The following SND1 variants were observed in gnomAD, a reference collection of about 807,000 sequenced individuals.
SND1 encodes the protein staphylococcal nuclease and tudor domain containing 1, also known as staphylococcal nuclease domain-containing protein 1.
In SND1, 38 loss-of-function variants were observed where a neutral mutation model predicts 121.7. That is an observed-to-expected ratio of 0.31 (90% CI 0.24 to 0.41). SND1 has a LOEUF of 0.41. Among genes scored for constraint, SND1 ranks in the 10% least tolerant of loss-of-function variants. The pLI is 1.00. For missense variants in SND1, 868 were observed against 1,184.6 expected (o/e 0.73, Z 3.92); for synonymous variants, 401 against 447.4 (o/e 0.90, Z 1.31).
Position 127,990,942 on chromosome 7 carries a change from C to G in SND1, c.1670-5C>G. On this transcript the variant is annotated splice_polypyrimidine_tract_variant and splice_region_variant and intron_variant, in intron 15 of 23. Coordinates refer to ENST00000354725, the MANE Select transcript of SND1 (RefSeq NM_014390.4). ...ATCACAGATTCTACTTTTCTCCTGA[C>G]ACAGGCATTGAATGCCCCAGAGGAG... The G allele has an allele frequency of 6.2e-7, 1 of 1,609,032 alleles. No homozygotes were observed. The highest frequency in any genetic ancestry group is 8.5e-7 in the Non-Finnish European group (1 of 1,176,204).
chr7:127,803,825 A>T (rs377240861), intron 10 of SND1, among the ~76,000 whole-genome samples: 3 of 152,134 alleles, frequency 2.0e-5, no homozygotes, highest in East Asian at 3.9e-4. Flanking sequence ...TGAGATGTGG[A>T]TATTGGGCCT....
chr7:127,904,873 T>G (rs1800305116), intron 14 of SND1, 54 bp downstream of exon 14: 2 of 1,110,766 alleles, frequency 1.8e-6, no homozygotes, highest in Admixed American at 3.4e-5. Context: ...AGAGCGTGTC[T>G]GCATATTTGC....
At chr7:127,867,059 A>G (rs1799491581) in intron 12 of SND1, among the ~76,000 whole-genome samples, 1 of 151,956 alleles carries the variant, frequency 6.6e-6, no homozygotes, top group African/African-American at 2.4e-5. Context: ...CTTCTATCCT[A>G]TTATATCTGC....
chr7:127,705,851 C>T (rs1796183142), intron 8 of SND1, among the ~76,000 whole-genome samples: 1 of 152,186 alleles, frequency 6.6e-6, no homozygotes, highest in African/African-American at 2.4e-5. Context: ...TTGATAACTA[C>T]ATTTTTGTGA....
In SND1 at chr7:127,652,267, G is replaced by A; in HGVS notation, c.-107G>A. 1.1e-6 allele frequency: 1 copy of A among 938,396 alleles called. No homozygotes were observed. Among genetic ancestry groups the A allele is most frequent in the Non-Finnish European group, 1.7e-6 (1 of 588,458 alleles). The allele number at this position is 938,396 out of a possible 1,614,324, so 58.1% of individuals were successfully genotyped here. ...CCGTCCCGTCCACCGTCCGCAGCTG[G>A]TAGCCAGCCTGCCCCTCGCCTCGAC... On this transcript the variant is annotated 5_prime_UTR_variant, in exon 1 of 24. Transcript: ENST00000354725.
At chr7:127,827,472 G>A (rs1252954396) in intron 11 of SND1, among the ~76,000 whole-genome samples, 1 of 152,016 alleles carries the variant, frequency 6.6e-6, no homozygotes, top group Non-Finnish European at 1.5e-5. Flanking sequence ...TAATTTGGGG[G>A]CAAATTGTTT....
At chr7:127,718,538 C>G in intron 9 of SND1, 4 of 984,048 alleles carry the variant, frequency 4.1e-6, no homozygotes, top group Non-Finnish European at 4.8e-6. Context: ...CAAGCTAAAC[C>G]TTGCTTAGCT....
rs1449958148 is a variant in SND1, at chr7:127,879,789, C to T, written c.1344-8113C>T. ...TGGAGTTTTTGAGGGTCATGGGTGA[C>T]AGAGGCCTAGGATACATGCCTGATG... is the stretch of plus-strand genomic sequence containing the variant. On this transcript the variant is annotated intron_variant, in intron 12 of 23. Coordinates refer to ENST00000354725, the MANE Select transcript of SND1 (RefSeq NM_014390.4). Among the ~76,000 whole-genome samples the T allele has an allele frequency of 3.9e-5, 6 of 152,128 alleles. No homozygotes were observed. The South Asian group carries it at 1.2e-3, about 31-fold the overall frequency.
intron 10 of SND1, among the ~76,000 whole-genome samples, chr7:127,728,702 CAG>C (rs771687118): frequency 5.9e-5 from 9 of 152,216 alleles, no homozygotes; most frequent in Non-Finnish European, 1.2e-4. Context: ...CAGAATCTTA[CAG>C]AGTGCTGTGA....
intron 2 of SND1, among the ~76,000 whole-genome samples, chr7:127,693,684 G>T (rs568184909): frequency 6.6e-6 from 1 of 152,308 alleles, no homozygotes; most frequent in East Asian, 1.9e-4. Flanking sequence ...GGTTTGAAGA[G>T]ATTATAATAG....
At chr7:127,720,709 T>G (rs995597556) in intron 9 of SND1, among the ~76,000 whole-genome samples, 1 of 152,200 alleles carries the variant, frequency 6.6e-6, no homozygotes, top group Admixed American at 6.5e-5. Context: ...GCTTTCAGAG[T>G]ATCTGAGGTA....
intron 15 of SND1, 134 bp downstream of exon 15, chr7:127,929,463 AAACAC>A: frequency 1.1e-6 from 1 of 877,182 alleles, no homozygotes; most frequent in Non-Finnish European, 1.8e-6. Context: ...TGGGATATGC[AAACAC>A]AGTTTCTAGA....
intron 1 of SND1, among the ~76,000 whole-genome samples, chr7:127,672,131 T>A (rs1454545114): frequency 6.6e-6 from 1 of 152,142 alleles, no homozygotes. Context: ...AATTTGAAAA[T>A]TCAGAATCTG....
At chr7:127,952,811 A>G (rs1801491999) in intron 15 of SND1, among the ~76,000 whole-genome samples, 1 of 152,180 alleles carries the variant, frequency 6.6e-6, no homozygotes, top group Non-Finnish European at 1.5e-5. Context: ...TATCAATAGA[A>G]TCTCAACCAT....
At chr7:127,887,780 CT>C in intron 12 of SND1, 121 bp from the exon 13 acceptor site, 2 of 603,094 alleles carry the variant, frequency 3.3e-6, no homozygotes, top group South Asian at 3.9e-5. Flanking sequence ...GTCTTGAAAC[CT>C]TGGCTTCTCT....
intron 15 of SND1, among the ~76,000 whole-genome samples, chr7:127,988,495 A>G (rs997829722): frequency 6.6e-6 from 1 of 152,198 alleles, no homozygotes; most frequent in Non-Finnish European, 1.5e-5. Context: ...CCAGAGGACT[A>G]TCTCATGAAA....
At chr7:127,696,805 A>G (rs1796013394) in intron 3 of SND1, among the ~76,000 whole-genome samples, 1 of 152,240 alleles carries the variant, frequency 6.6e-6, no homozygotes. Context: ...CAAACTGGAT[A>G]TAATTTAATT....
At chr7:127,698,828 G>A in intron 3 of SND1, 47 bp from the exon 4 acceptor site, 1 of 1,520,186 alleles carries the variant, frequency 6.6e-7, no homozygotes, top group Non-Finnish European at 9.1e-7. Context: ...GTTGCTGTTG[G>A]AGGCAGGTTT....
At chr7:127,749,575 G>A (rs753345366) in intron 10 of SND1, among the ~76,000 whole-genome samples, 2 of 152,178 alleles carry the variant, frequency 1.3e-5, no homozygotes, top group South Asian at 2.1e-4. Context: ...ATACAAGAAC[G>A]TTCACACCGG....
Sources: allele counts gnomAD v4.1 joint callset (sites outside exome capture counted in the v4.1 genomes callset), GRCh38; gene constraint gnomAD v4.1.1; transcripts MANE v1.5; gene names NCBI Gene and HGNC (gene_info 2026-07-23, HGNC 2026-07-21).